The following FGGY variants were observed in gnomAD, a reference collection of about 807,000 sequenced individuals.
FGGY encodes FGGY carbohydrate kinase domain-containing protein.
A neutral mutation model predicts 71.3 loss-of-function variants in FGGY; 72 were observed. The observed-to-expected ratio is 1.01, with a 90% CI of 0.84 to 1.23. The LOEUF (loss-of-function observed/expected upper bound fraction) is 1.23, where lower values mean the gene tolerates loss of function less well. Ranked by LOEUF, FGGY falls within the 50% of genes most tolerant of loss-of-function variation. The pLI is 0.00. For missense variants in FGGY, 668 were observed against 682.3 expected (o/e 0.98, Z 0.23); for synonymous variants, 251 against 250.3 (o/e 1.00, Z -0.02).
intron 6 of FGGY, among the ~76,000 whole-genome samples, chr1:59,491,061 T>TTCCCTCCCTCCCTC (rs1558108434): frequency 5.6e-5 from 1 of 17,766 alleles, no homozygotes; most frequent in African/African-American, 3.4e-4. Flanking sequence ...CTTCCTTCCT[T>TTCCCTCCCTCCCTC]CCTTCCTTCC....
At chr1:59,491,503 C>G (rs1432183982) in intron 6 of FGGY, among the ~76,000 whole-genome samples, 1 of 151,672 alleles carries the variant, frequency 6.6e-6, no homozygotes, top group Non-Finnish European at 1.5e-5. Flanking sequence ...CTTTGTTTTT[C>G]ATCTAGTTTG....
intron 10 of FGGY, among the ~76,000 whole-genome samples, chr1:59,631,175 A>G (rs149069412): frequency 2.6e-5 from 4 of 151,940 alleles, no homozygotes; most frequent in African/African-American, 9.7e-5. Context: ...TTCTCCCTAT[A>G]TCTCTGATTC....
intron 5 of FGGY, among the ~76,000 whole-genome samples, chr1:59,407,317 A>G (rs972005909): frequency 6.6e-5 from 10 of 152,182 alleles, no homozygotes; most frequent in African/African-American, 2.4e-4. Context: ...AAGGCAAGAC[A>G]AAAAATGAGA....
intron 4 of FGGY, among the ~76,000 whole-genome samples, chr1:59,347,859 GA>G (rs1351122247): frequency 2.6e-5 from 4 of 151,334 alleles, no homozygotes; most frequent in African/African-American, 9.7e-5. Context: ...AACCCTAGAA[GA>G]AAACCTAGGC....
In FGGY at chr1:59,757,969, G is replaced by C; in HGVS notation, c.1551G>C (p.Val517=). 6.2e-7 allele frequency: 1 copy of C among 1,613,038 alleles called. No homozygotes were observed. Among genetic ancestry groups the C allele is most frequent in the Non-Finnish European group, 8.5e-7 (1 of 1,179,414 alleles). Residue 517 remains valine, a synonymous_variant, in exon 15 of 16, where the codon GTG becomes GTC. Transcript: ENST00000303721. ...AAATGAGCAAAGTTGGGAAAGTTGT[G>C]TTCCCGAGACTACAGGATAAAAAGT... is the stretch of plus-strand genomic sequence containing the variant. ...MAKMSKVGKV[V]FPRLQDKKYY...
intron 8 of FGGY, among the ~76,000 whole-genome samples, chr1:59,575,047 T>C (rs2096055945): frequency 6.6e-6 from 1 of 152,226 alleles, no homozygotes; most frequent in Non-Finnish European, 1.5e-5. Context: ...TTTGATATAC[T>C]ATATATTGTA....
intron 9 of FGGY, among the ~76,000 whole-genome samples, chr1:59,620,095 G>C (rs538441474): frequency 6.6e-6 from 1 of 151,946 alleles, no homozygotes; most frequent in Non-Finnish European, 1.5e-5. Flanking sequence ...GAGGGAGGAA[G>C]GAGTCAAGAA....
At chr1:59,629,228 A>AAAT (rs2096886548) in intron 10 of FGGY, among the ~76,000 whole-genome samples, 1 of 151,718 alleles carries the variant, frequency 6.6e-6, no homozygotes, top group Non-Finnish European at 1.5e-5. Context: ...AATAAATAAT[A>AAAT]AATAAATAAA....
intron 5 of FGGY, among the ~76,000 whole-genome samples, chr1:59,380,820 G>T (rs1215361362): frequency 2.0e-5 from 3 of 151,500 alleles, no homozygotes; most frequent in African/African-American, 7.3e-5. Context: ...GTCAATTTTG[G>T]CTTTTGTTGC....
intron 6 of FGGY, among the ~76,000 whole-genome samples, chr1:59,476,222 A>C (rs1401283452): frequency 6.6e-6 from 1 of 152,220 alleles, no homozygotes; most frequent in Non-Finnish European, 1.5e-5. Context: ...CTACTCCAGC[A>C]GTATTCTGTT....
chr1:59,628,646 A>T (rs1164336353), intron 10 of FGGY, among the ~76,000 whole-genome samples: 1 of 152,242 alleles, frequency 6.6e-6, no homozygotes. Context: ...TGAAATAAAA[A>T]GTCTAAAAAA....
intron 10 of FGGY, among the ~76,000 whole-genome samples, chr1:59,635,862 T>C (rs1460802623): frequency 6.6e-6 from 1 of 152,158 alleles, no homozygotes; most frequent in Non-Finnish European, 1.5e-5. Context: ...GATAAATAAT[T>C]TCTGACCTAA....
At chr1:59,509,273 C>A (rs780904789) in intron 6 of FGGY, among the ~76,000 whole-genome samples, 1 of 152,186 alleles carries the variant, frequency 6.6e-6, no homozygotes, top group Non-Finnish European at 1.5e-5. Context: ...TCTACATCTC[C>A]GTTACCAATA....
At chr1:59,591,927 A>G (rs1367000459) in intron 8 of FGGY, among the ~76,000 whole-genome samples, 1 of 152,218 alleles carries the variant, frequency 6.6e-6, no homozygotes, top group Non-Finnish European at 1.5e-5. Context: ...ACAAAAGCCA[A>G]AATTGACAAA....
At chr1:59,299,286 A>G (rs928604506) in intron 1 of FGGY, among the ~76,000 whole-genome samples, 1 of 152,302 alleles carries the variant, frequency 6.6e-6, no homozygotes. Flanking sequence ...TAAGTTGGAA[A>G]AAATCACCTG....
At chr1:59,545,032 A>G (rs1356718424) in intron 7 of FGGY, among the ~76,000 whole-genome samples, 1 of 152,170 alleles carries the variant, frequency 6.6e-6, no homozygotes, top group Non-Finnish European at 1.5e-5. Context: ...AAACTAGGTC[A>G]GGGGCTGGGG....
chr1:59,388,375 G>A (rs190231530), intron 5 of FGGY, among the ~76,000 whole-genome samples: 5 of 152,094 alleles, frequency 3.3e-5, no homozygotes, highest in African/African-American at 1.2e-4. Context: ...ATGATTACAT[G>A]AATTTCCCTT....
intron 1 of FGGY, among the ~76,000 whole-genome samples, chr1:59,306,520 TGGA>T (rs977621209): frequency 5.3e-5 from 8 of 152,144 alleles, no homozygotes; most frequent in African/African-American, 1.9e-4. Flanking sequence ...AGAAATCGTG[TGGA>T]GAAGCCTGCC....
chr1:59,305,689 G>A (rs1338182848), intron 1 of FGGY, among the ~76,000 whole-genome samples: 1 of 152,166 alleles, frequency 6.6e-6, no homozygotes, highest in African/African-American at 2.4e-5. Context: ...TTCCCTCTGA[G>A]TTATGAGGCT....
Sources: allele counts gnomAD v4.1 joint callset (sites outside exome capture counted in the v4.1 genomes callset), GRCh38; gene constraint gnomAD v4.1.1; transcripts MANE v1.5; gene names NCBI Gene and HGNC (gene_info 2026-07-23, HGNC 2026-07-21).